The following RNF213 variants were observed in gnomAD, a reference collection of about 807,000 sequenced individuals.
RNF213 encodes E3 ubiquitin-protein ligase RNF213.
Under a neutral mutation model 514.4 loss-of-function variants are expected in RNF213, and 341 were observed. That is an observed-to-expected ratio of 0.66 (90% CI 0.61 to 0.73). RNF213 has a LOEUF of 0.73. Among genes scored for constraint, RNF213 ranks in the 30% least tolerant of loss-of-function variants. The pLI is 0.00. For missense variants in RNF213, 5,767 were observed against 6,615.6 expected (o/e 0.87, Z 4.45); for synonymous variants, 2,655 against 2,658.2 (o/e 1.00, Z 0.04).
chr17:80,316,930 T>C (rs1006577070), intron 15 of RNF213, among the ~76,000 whole-genome samples: 7 of 152,328 alleles, frequency 4.6e-5, no homozygotes, highest in Non-Finnish European at 8.8e-5. Context: ...ATAAGTCCTT[T>C]CAGAATAAAA....
rs1012427419 is a variant in RNF213 at position 80,345,168 on chromosome 17, T to C, written c.6833T>C (p.Met2278Thr). The C allele has an allele frequency of 5.0e-6, 8 of 1,614,004 alleles. No individual in the cohort carries two copies. The highest frequency in any genetic ancestry group is 6.8e-6 in the Non-Finnish European group (8 of 1,180,026). Residue 2278 changes from methionine (M) to threonine (T), a missense_variant, in exon 29 of 68, where the codon ATG becomes ACG. This residue lies in a region of RNF213 where 1,377 missense variants were observed against 1,635.2 expected (regional missense o/e 0.84). Coordinates refer to ENST00000582970, the MANE Select transcript of RNF213 (RefSeq NM_001256071.3). The surrounding 1 kb of genome is among the most constrained non-coding windows in gnomAD (Gnocchi z 6.0). ...HTSDQSPGKH[M>T]VTMDGVREED... ...TCTGACCAAAGCCCGGGGAAGCACA[T>C]GGTCACCATGGATGGGGTTAGGGAA...
intron 20 of RNF213, 118 bp downstream of exon 20, chr17:80,328,595 T>C (rs1318608420): frequency 9.5e-7 from 1 of 1,051,118 alleles, no homozygotes. Context: ...AAAATTTTTT[T>C]TTTAATTTGC....
chr17:80,331,071 A>C (rs913974575), intron 20 of RNF213, among the ~76,000 whole-genome samples: 3 of 152,170 alleles, frequency 2.0e-5, no homozygotes, highest in African/African-American at 7.2e-5. Context: ...CATCCGCCTC[A>C]GCCTCCCAAA....
At chr17:80,326,721 A>G (rs1236305694) in intron 18 of RNF213, among the ~76,000 whole-genome samples, 2 of 152,138 alleles carry the variant, frequency 1.3e-5, no homozygotes, top group African/African-American at 2.4e-5. Context: ...ATGTCTTTTC[A>G]TGGCTTGAGA....
At chr17:80,308,493 CTCCTGAGTCCCT>C (rs1156670430) in intron 13 of RNF213, among the ~76,000 whole-genome samples, 1 of 151,048 alleles carries the variant, frequency 6.6e-6, no homozygotes, top group African/African-American at 2.5e-5. Flanking sequence ...CCTAAGTCCC[CTCCTGAGTCCCT>C]CCTAAGGCTC....
intron 11 of RNF213, among the ~76,000 whole-genome samples, chr17:80,302,489 T>C (rs1312067204): frequency 6.6e-6 from 1 of 152,188 alleles, no homozygotes; most frequent in African/African-American, 2.4e-5. Context: ...GTATACATTA[T>C]GTATTGTATA....
intron 63 of RNF213, among the ~76,000 whole-genome samples, chr17:80,387,953 ATTT>A (rs35624579): frequency 5.6e-4 from 62 of 111,338 alleles, no homozygotes; most frequent in Middle Eastern, 8.2e-3. Flanking sequence ...GAGCCCATGG[ATTT>A]TTTTTTTTTT....
In RNF213 at chr17:80,363,304, G is replaced by C; in HGVS notation, c.11558G>C (p.Gly3853Ala). 1 of 1,613,828 alleles carries C rather than the reference G, an allele frequency of 6.2e-7. No individual in the cohort carries two copies. Among genetic ancestry groups the C allele is most frequent in the Admixed American group, 1.7e-5 (1 of 60,018 alleles). Reference sequence around the variant, plus strand: ...GCCCGTTGGAACCATGAGCTGGCTGGATGTGAGATGGTATGGCCCTCCTCC... The same window carrying C: ...GCCCGTTGGAACCATGAGCTGGCTGCATGTGAGATGGTATGGCCCTCCTCC... Reference protein sequence around the residue: ...MEARWNHELAGCEMTLDAFAA... With the variant: ...MEARWNHELAACEMTLDAFAA... The change falls in exon 40 of 68, where the codon GGA (glycine) becomes GCA (alanine). Residue 3853 changes from glycine to alanine, a missense_variant. This residue lies in a region of RNF213 where 355 missense variants were observed against 358.0 expected (regional missense o/e 0.99). Coordinates refer to ENST00000582970, the MANE Select transcript of RNF213 (RefSeq NM_001256071.3).
chr17:80,368,156 T>C lies in RNF213; in HGVS notation c.12155+13T>C. The C allele has an allele frequency of 1.2e-6, 2 of 1,613,838 alleles. No homozygotes were observed. Among genetic ancestry groups the C allele is most frequent in the South Asian group, 2.2e-5 (2 of 91,082 alleles). On this transcript the variant is annotated intron_variant, in intron 44 of 67. Coordinates refer to ENST00000582970, the MANE Select transcript of RNF213 (RefSeq NM_001256071.3). ...CCCAAGCGCACAGGTACAACACCCTTTCTCTCAAGAAAGCATCCTTTTTTT... is the reference window on the plus strand; with the variant it reads ...CCCAAGCGCACAGGTACAACACCCTCTCTCTCAAGAAAGCATCCTTTTTTT...
At chr17:80,282,921 C>T (rs1165960144) in intron 3 of RNF213, among the ~76,000 whole-genome samples, 1 of 150,940 alleles carries the variant, frequency 6.6e-6, no homozygotes, top group Non-Finnish European at 1.5e-5. Flanking sequence ...TGGTCTCGAA[C>T]TCCTGACCTC....
At chr17:80,315,835 A>AC (rs2045920109) in intron 15 of RNF213, 1 of 19,388 alleles carries the variant, frequency 5.2e-5, no homozygotes, top group Non-Finnish European at 1.2e-4. Context: ...GGTGATGGTG[A>AC]TGGTGGTGGT....
intron 38 of RNF213, among the ~76,000 whole-genome samples, chr17:80,361,196 A>G (rs1270452554): frequency 6.6e-6 from 1 of 152,322 alleles, no homozygotes; most frequent in Non-Finnish European, 1.5e-5. Context: ...TCTGACCTAA[A>G]TTTGACACTG....
intron 3 of RNF213, among the ~76,000 whole-genome samples, chr17:80,281,334 G>A (rs181258055): frequency 2.5e-3 from 16 of 6,410 alleles, no homozygotes; most frequent in Admixed American, 5.2e-3. Flanking sequence ...ACTCACACAC[G>A]CCCCCACACA....
In RNF213 at chr17:80,317,216, T is replaced by A. The variant is rs373756460; in HGVS notation, c.2840T>A (p.Phe947Tyr). ...EVWRRLVEIQ[F>Y]PAEHGWKESL... ...TGGAGGCGGCTGGTGGAAATCCAAT[T>A]CCCCGCGGAGCATGGCTGGAAGGAG... The change falls in exon 16 of 68, where the codon TTC (phenylalanine) becomes TAC (tyrosine). Residue 947 changes from phenylalanine (F) to tyrosine (Y), a missense_variant. Physicochemically the swap from Phe to Tyr is conservative, Grantham distance 22. This residue lies in a region of RNF213 where 592 missense variants were observed against 673.9 expected (regional missense o/e 0.88). Transcript: ENST00000582970. The surrounding 1 kb of genome is among the most constrained non-coding windows in gnomAD (Gnocchi z 4.1). The A allele has an allele frequency of 8.6e-5, 139 of 1,612,554 alleles. No homozygotes were observed. Among genetic ancestry groups the A allele is most frequent in the Non-Finnish European group, 1.9e-5 (22 of 1,179,832 alleles).
chr17:80,385,863 A>G (rs1331387000), intron 61 of RNF213, among the ~76,000 whole-genome samples: 12 of 152,076 alleles, frequency 7.9e-5, no homozygotes, highest in Non-Finnish European at 1.6e-4. Flanking sequence ...ACAGGGTTTC[A>G]CCATGTTGCC....
intron 59 of RNF213, 175 bp from the exon 60 acceptor site, chr17:80,384,864 G>A (rs942997577): frequency 4.2e-6 from 3 of 721,622 alleles, no homozygotes; most frequent in Non-Finnish European, 7.2e-6. Flanking sequence ...TGCACTGTCT[G>A]TAGACTTGTG....
At chr17:80,294,069 C>T (rs1381201684) in intron 8 of RNF213, among the ~76,000 whole-genome samples, 1 of 152,212 alleles carries the variant, frequency 6.6e-6, no homozygotes. Flanking sequence ...TAGGTCTTCA[C>T]GTGGCCTCTG....
chr17:80,327,340 A>T (rs1020232687), intron 18 of RNF213, among the ~76,000 whole-genome samples: 1 of 152,212 alleles, frequency 6.6e-6, no homozygotes, highest in African/African-American at 2.4e-5. Context: ...CTCTACAAAA[A>T]ATTTTGAAAG....
At chr17:80,380,769 A>G (rs2079962757) in intron 55 of RNF213, 62 bp from the exon 56 acceptor site, 1 of 1,597,224 alleles carries the variant, frequency 6.3e-7, no homozygotes, top group East Asian at 2.2e-5. Context: ...AGTGCTGAGA[A>G]AGTGCAGCGT....
Sources: gnomAD v4.1 joint callset for allele counts (sites outside exome capture counted in the v4.1 genomes callset) on GRCh38, gnomAD v4.1.1 for gene constraint, gnomAD v4.1.1 regional missense constraint, Gnocchi (gnomAD v3.1) non-coding constraint, MANE v1.5 for transcripts, NCBI Gene and HGNC (gene_info 2026-07-23, HGNC 2026-07-21) for gene names.